DNAJC1: variants seen among roughly 807,000 people sequenced by gnomAD.
DNAJC1 encodes dnaJ homolog subfamily C member 1.
In DNAJC1, 58 loss-of-function variants were observed where a neutral mutation model predicts 76.6. The observed-to-expected ratio is 0.76, with a 90% confidence interval of 0.61 to 0.94. The LOEUF is 0.94. Ranked by LOEUF, DNAJC1 falls within the 40% of genes least tolerant of loss-of-function variation. The pLI is 0.00. For missense variants in DNAJC1, 689 were observed against 677.3 expected, an observed-to-expected ratio of 1.02 and a Z score of -0.19; for synonymous variants, 258 against 267.9, an observed-to-expected ratio of 0.96 and a Z score of 0.36.
chr10:21,919,409 T>G (rs565987461), intron 5 of DNAJC1, among the ~76,000 whole-genome samples: 1 of 152,120 alleles, frequency 6.6e-6, no homozygotes, highest in South Asian at 2.1e-4. Context: ...TCCCAGTTCA[T>G]GCCCTGCTGT....
At chr10:21,780,201 C>T (rs576205838) in intron 9 of DNAJC1, among the ~76,000 whole-genome samples, 6 of 152,272 alleles carry the variant, frequency 3.9e-5, no homozygotes, top group East Asian at 3.9e-4. Flanking sequence ...ACTTCCCCAA[C>T]CTAGCAAGGC....
chr10:21,833,496 T>C (rs1835395819), intron 8 of DNAJC1, among the ~76,000 whole-genome samples: 1 of 151,994 alleles, frequency 6.6e-6, no homozygotes, highest in Admixed American at 6.6e-5. Context: ...AATAAATAAA[T>C]TTAAAAAAGC....
At chr10:21,902,395 C>A (rs1836671507) in intron 7 of DNAJC1, among the ~76,000 whole-genome samples, 1 of 152,082 alleles carries the variant, frequency 6.6e-6, no homozygotes, top group Non-Finnish European at 1.5e-5. Context: ...ATGTCTGCCT[C>A]CCGGGTTCAG....
chr10:21,960,667 A>T (rs181875351), intron 1 of DNAJC1, among the ~76,000 whole-genome samples: 326 of 152,304 alleles, frequency 2.1e-3, no homozygotes, highest in Non-Finnish European at 3.6e-3. Context: ...TCCAGCCCAG[A>T]GGACAGAGGG....
intron 8 of DNAJC1, among the ~76,000 whole-genome samples, chr10:21,874,125 A>G (rs983501873): frequency 6.6e-6 from 1 of 152,226 alleles, no homozygotes; most frequent in Non-Finnish European, 1.5e-5. Context: ...AGCCACAAAA[A>G]GAAATGAAGG....
intron 8 of DNAJC1, among the ~76,000 whole-genome samples, chr10:21,847,337 A>G (rs1240396751): frequency 6.6e-6 from 1 of 152,178 alleles, no homozygotes; most frequent in East Asian, 1.9e-4. Context: ...ATAATTGGAC[A>G]TATTTATGGG....
chr10:21,947,141 G>A (rs1027741993), intron 1 of DNAJC1, among the ~76,000 whole-genome samples: 1 of 152,132 alleles, frequency 6.6e-6, no homozygotes, highest in African/African-American at 2.4e-5. Flanking sequence ...TGTGCATGAT[G>A]TCATGTGCAA....
intron 7 of DNAJC1, among the ~76,000 whole-genome samples, chr10:21,903,447 T>C (rs935448829): frequency 6.6e-6 from 1 of 152,220 alleles, no homozygotes; most frequent in Non-Finnish European, 1.5e-5. Context: ...AACAATTATA[T>C]AGTTGATCTG....
intron 8 of DNAJC1, among the ~76,000 whole-genome samples, chr10:21,875,363 C>T (rs1033498049): frequency 2.0e-5 from 3 of 152,126 alleles, no homozygotes; most frequent in Admixed American, 6.6e-5. Context: ...CCTAGGTTTC[C>T]CTGGCTGGTC....
chr10:21,766,506 C>A (rs1309807197), intron 9 of DNAJC1, among the ~76,000 whole-genome samples, 197 bp from the exon 10 acceptor site: 1 of 152,148 alleles, frequency 6.6e-6, no homozygotes, highest in African/African-American at 2.4e-5. Context: ...TGGATAGCTC[C>A]AAAACACCCA....
intron 8 of DNAJC1, among the ~76,000 whole-genome samples, chr10:21,836,725 C>T (rs996508612): frequency 3.3e-5 from 5 of 152,030 alleles, no homozygotes; most frequent in Admixed American, 2.6e-4. Flanking sequence ...TCAAAAGAGA[C>T]AAAGAAGGCC....
intron 8 of DNAJC1, among the ~76,000 whole-genome samples, chr10:21,837,036 G>T (rs983725643): frequency 6.6e-6 from 1 of 152,298 alleles, no homozygotes; most frequent in South Asian, 2.1e-4. Flanking sequence ...TCAGCCTGCC[G>T]AGTGCCTGGG....
At chr10:21,979,200 A>G (rs956636663) in intron 1 of DNAJC1, among the ~76,000 whole-genome samples, 4 of 152,046 alleles carry the variant, frequency 2.6e-5, no homozygotes, top group African/African-American at 7.2e-5. Context: ...TTCTATTAAT[A>G]TAAGTAGTAG....
chr10:21,804,102 G>C (rs1834852876), intron 9 of DNAJC1: 1 of 318,724 alleles, frequency 3.1e-6, no homozygotes, highest in African/African-American at 2.3e-5. Context: ...ATGAGGCTTT[G>C]TTGGTTATAT....
intron 8 of DNAJC1, among the ~76,000 whole-genome samples, chr10:21,860,550 C>A (rs886668359): frequency 3.3e-5 from 5 of 152,048 alleles, no homozygotes; most frequent in African/African-American, 1.2e-4. Context: ...GAAAATTAGC[C>A]AGGCATGGTG....
intron 1 of DNAJC1, among the ~76,000 whole-genome samples, chr10:21,989,942 T>C (rs1838302830): frequency 6.6e-6 from 1 of 152,168 alleles, no homozygotes; most frequent in African/African-American, 2.4e-5. Context: ...AAACATAATA[T>C]TTCAATTATC....
intron 5 of DNAJC1, 33 bp downstream of exon 5, chr10:21,919,799 T>C (rs746655725): frequency 1.0e-5 from 15 of 1,475,160 alleles, no homozygotes; most frequent in Non-Finnish European, 3.7e-6. Context: ...TTAAAACAGC[T>C]TCAAATTATA....
intron 9 of DNAJC1, among the ~76,000 whole-genome samples, chr10:21,788,225 G>A (rs1589980680): frequency 6.6e-6 from 1 of 152,344 alleles, no homozygotes; most frequent in East Asian, 1.9e-4. Context: ...CTACAAGCCT[G>A]AGCTGGAACT....
At chr10:21,891,564 A>G (rs184722808) in intron 7 of DNAJC1, among the ~76,000 whole-genome samples, 229 of 152,180 alleles carry the variant, frequency 1.5e-3, no homozygotes, top group African/African-American at 5.0e-3. Context: ...AAAAGCAGCA[A>G]CAGAGAAACA....
Sources: gnomAD v4.1 joint callset for allele counts (sites outside exome capture counted in the v4.1 genomes callset) on GRCh38, gnomAD v4.1.1 for gene constraint, MANE v1.5 for transcripts, NCBI Gene and HGNC (gene_info 2026-07-23, HGNC 2026-07-21) for gene names.